DAGLB: variants seen among roughly 807,000 people sequenced by gnomAD.
DAGLB encodes the protein diacylglycerol lipase-beta.
DAGLB carries 66 observed loss-of-function variants against 72.1 expected under a neutral mutation model. The ratio of observed to expected loss-of-function variants is 0.92; its 90% CI spans 0.75 to 1.12. The LOEUF (loss-of-function observed/expected upper bound fraction) is 1.12, where lower values mean the gene tolerates loss of function less well. DAGLB is among the 50% of genes most tolerant of loss of function. DAGLB has a pLI of 0.00. For missense variants in DAGLB, 1,065 were observed against 884.9 expected, an observed-to-expected ratio of 1.20 and a Z score of -2.58; for synonymous variants, 414 against 359.5, an observed-to-expected ratio of 1.15 and a Z score of -1.71.
At position 6,436,434 on chromosome 7, in the gene DAGLB, G is replaced by A. The variant is rs1319194566; in HGVS notation, c.347C>T (p.Ala116Val). 3 of 1,614,082 alleles carry A rather than the reference G, an allele frequency of 1.9e-6. No homozygotes were observed. In the East Asian group the frequency reaches 6.7e-5, roughly 36 times the overall value. ...FPEMVWASLG[A>V]AWVADGVQCD... is the part of the protein sequence containing the mutation. ...CTGAACACCATCTGCCACCCAGGCA[G>A]CCCCCAGAGAGGCCCAGACCATCTC... The change falls in exon 3 of 15, where the codon GCT becomes GTT. Residue 116 changes from alanine to valine, a missense_variant. Physicochemically the swap from Ala to Val is moderately conservative, Grantham distance 64. Transcript: ENST00000297056.
At chr7:6,428,541 C>CAATG (rs1431498424) in intron 6 of DAGLB, among the ~76,000 whole-genome samples, 1 of 150,946 alleles carries the variant, frequency 6.6e-6, no homozygotes, top group Non-Finnish European at 1.5e-5. Flanking sequence ...GGCTGCAGGG[C>CAATG]AATGGTGTGA....
intron 5 of DAGLB, 126 bp downstream of exon 5, chr7:6,432,711 G>A (rs1437218663): frequency 2.5e-6 from 3 of 1,198,450 alleles, no homozygotes; most frequent in East Asian, 3.1e-5. Context: ...AGGAGGGGGA[G>A]GGGAGGGAGG....
At chr7:6,418,105 G>A (rs1435469260) in intron 9 of DAGLB, among the ~76,000 whole-genome samples, 4 of 152,032 alleles carry the variant, frequency 2.6e-5, no homozygotes, top group South Asian at 2.1e-4. Context: ...TCCTGACCTC[G>A]TGATCCACCC....
chr7:6,421,685 G>A (rs73342928), intron 9 of DAGLB, 42 bp downstream of exon 9: 2 of 1,566,354 alleles, frequency 1.3e-6, no homozygotes, highest in African/African-American at 1.4e-5. Flanking sequence ...TCTTCTGTGT[G>A]GTCAGCATTC....
At chr7:6,428,321 A>AAT (rs1371162868) in intron 6 of DAGLB, among the ~76,000 whole-genome samples, 1 of 150,046 alleles carries the variant, frequency 6.7e-6, no homozygotes, top group Non-Finnish European at 1.5e-5. Flanking sequence ...GTCTCAAAAA[A>AAT]AAAAAAAAAA....
intron 11 of DAGLB, among the ~76,000 whole-genome samples, chr7:6,415,574 C>G (rs1178056918): frequency 6.7e-6 from 1 of 148,400 alleles, no homozygotes; most frequent in Non-Finnish European, 1.5e-5. Context: ...CGTGGTGGCT[C>G]ATGCCTGTAA....
intron 11 of DAGLB, among the ~76,000 whole-genome samples, chr7:6,414,634 T>A (rs1237280505): frequency 2.6e-5 from 4 of 152,108 alleles, no homozygotes; most frequent in African/African-American, 9.7e-5. Flanking sequence ...ACACTACAGT[T>A]ACATTTTCTC....
chr7:6,410,228 G>A lies in DAGLB; in HGVS notation c.1722C>T (p.Ser574=), dbSNP rs139853315. 5 of 1,611,736 alleles carry A rather than the reference G, an allele frequency of 3.1e-6. No individual in the cohort carries two copies. The highest frequency in any genetic ancestry group is 1.1e-5 in the South Asian group (1 of 90,660). ...SLLTRWSPAY[S]FSSDSPLDSS... ...AGTCCAGTGGGGAGTCGCTGGAGAA[G>A]CTGTAGGCCGGGGACCAGCGCGTCA... is the stretch of plus-strand genomic sequence containing the variant. Residue 574 remains serine, a synonymous_variant, in exon 14 of 15, where the codon AGC becomes AGT. Coordinates refer to ENST00000297056, the MANE Select transcript of DAGLB (RefSeq NM_139179.4).
intron 5 of DAGLB, 104 bp downstream of exon 5, chr7:6,432,733 T>C: frequency 1.6e-6 from 2 of 1,282,738 alleles, no homozygotes; most frequent in South Asian, 4.0e-5. Flanking sequence ...GAAAGGGGAA[T>C]GAAGGAAGGG....
intron 2 of DAGLB, 86 bp downstream of exon 2, chr7:6,445,867 T>C (rs1784983226): frequency 2.8e-6 from 4 of 1,414,352 alleles, no homozygotes; most frequent in Non-Finnish European, 3.8e-6. Context: ...TTGGAAAGTT[T>C]ACAGAAGTGA....
At chr7:6,424,440 G>A (rs919820820) in intron 8 of DAGLB, among the ~76,000 whole-genome samples, 9 of 152,258 alleles carry the variant, frequency 5.9e-5, no homozygotes, top group Admixed American at 2.0e-4. Context: ...AGGGCTCCCG[G>A]GTGTGGGGCC....
At chr7:6,435,280 G>A (rs1347899183) in intron 3 of DAGLB, among the ~76,000 whole-genome samples, 2 of 152,166 alleles carry the variant, frequency 1.3e-5, no homozygotes, top group African/African-American at 4.8e-5. Flanking sequence ...GAGGTCAGGA[G>A]ATCGAGACCA....
intron 9 of DAGLB, among the ~76,000 whole-genome samples, chr7:6,419,396 G>A (rs1046777894): frequency 6.6e-6 from 1 of 152,158 alleles, no homozygotes; most frequent in Non-Finnish European, 1.5e-5. Context: ...CCTACCCTGT[G>A]GCTGGTGCTG....
At chr7:6,416,357 A>T in intron 11 of DAGLB, 1 of 294,330 alleles carries the variant, frequency 3.4e-6, no homozygotes, top group Non-Finnish European at 6.2e-6. Flanking sequence ...CAGCCTGGCC[A>T]ACATGGTGAA....
chr7:6,436,011 T>C (rs1784644325), intron 3 of DAGLB, among the ~76,000 whole-genome samples: 1 of 152,070 alleles, frequency 6.6e-6, no homozygotes, highest in East Asian at 1.9e-4. Context: ...TTTTAGTTTT[T>C]GCTCTGGTTT....
chr7:6,410,499 G>A, intron 13 of DAGLB, 119 bp from the exon 14 acceptor site: 1 of 1,428,374 alleles, frequency 7.0e-7, no homozygotes, highest in Admixed American at 2.5e-5. Context: ...AACCCCGCTT[G>A]GAAGACTCCA....
intron 6 of DAGLB, 152 bp from the exon 7 acceptor site, chr7:6,426,266 TA>T (rs1222689637): frequency 8.1e-6 from 9 of 1,106,374 alleles, no homozygotes; most frequent in Admixed American, 7.3e-5. Flanking sequence ...TTTTAAAACT[TA>T]ATTTGATCGA....
chr7:6,422,053 C>T lies in DAGLB; in HGVS notation c.1141-249G>A, dbSNP rs78218654. On this transcript the variant is annotated intron_variant, in intron 8 of 14. Coordinates refer to ENST00000297056, the MANE Select transcript of DAGLB (RefSeq NM_139179.4). Reference sequence around the variant, plus strand: ...GGGACCATGGAGTGTGCCTAAGACACGCCCTGCGCCTTCCCCATCACACAC... The same window carrying T: ...GGGACCATGGAGTGTGCCTAAGACATGCCCTGCGCCTTCCCCATCACACAC... 6.9e-3 allele frequency: 4,151 copies of T among 600,710 alleles called. 116 individuals carry two copies. The highest frequency in any genetic ancestry group is 0.065 in the African/African-American group (3,531 of 54,524). The allele number at this position is 600,710 out of a possible 1,614,324, so 37.2% of individuals were successfully genotyped here. A position where few individuals can be genotyped will look rare whatever the true frequency, so the allele number is the denominator to read the frequency against.
At chr7:6,420,335 G>A (rs1479578624) in intron 9 of DAGLB, among the ~76,000 whole-genome samples, 1 of 151,948 alleles carries the variant, frequency 6.6e-6, no homozygotes. Flanking sequence ...AGTTACTTGG[G>A]AGGCTGAGAC....
Sources: allele counts gnomAD v4.1 joint callset (sites outside exome capture counted in the v4.1 genomes callset), GRCh38; gene constraint gnomAD v4.1.1; transcripts MANE v1.5; gene names NCBI Gene and HGNC (gene_info 2026-07-23, HGNC 2026-07-21).